STX5: variants seen among roughly 807,000 people sequenced by gnomAD.
STX5 encodes the protein syntaxin 5, also known as syntaxin-5.
A neutral mutation model predicts 42.9 loss-of-function variants in STX5; 15 were observed. That is an observed-to-expected ratio of 0.35 (90% CI 0.23 to 0.54). STX5 has a LOEUF of 0.54. Ranked by LOEUF, STX5 falls within the 20% of genes least tolerant of loss-of-function variation. STX5 has a pLI of 0.91. For synonymous variants in STX5, 184 were observed against 173.2 expected, an observed-to-expected ratio of 1.06 and a Z score of -0.49; for missense variants, 430 against 455.0, an observed-to-expected ratio of 0.95 and a Z score of 0.50.
In STX5 at chr11:62,831,114, G is replaced by T. The variant is rs377028720; in HGVS notation, c.130C>A (p.Pro44Thr). ...GGAGGGGGAGGGACGAGGGTCACTG[G>T]GGGGGGCAGAGGGGCGATGTCGCTG... ...SSSDIAPLPP[P>T]VTLVPPPPDT... The change falls in exon 2 of 11, where the codon CCA becomes ACA. Residue 44 changes from proline (P) to threonine (T), a missense_variant. Transcript: ENST00000294179. The T allele has an allele frequency of 1.5e-5, 23 of 1,555,026 alleles. No individual in the cohort carries two copies. Among genetic ancestry groups the T allele is most frequent in the Middle Eastern group, 2.3e-4 (1 of 4,412 alleles).
chr11:62,825,556 A>C lies in STX5; in HGVS notation c.424-17T>G, dbSNP rs780732903. 24 of 1,610,532 alleles carry C rather than the reference A, an allele frequency of 1.5e-5. No homozygotes were observed. The highest frequency in any genetic ancestry group is 2.0e-5 in the Non-Finnish European group (23 of 1,177,780). On this transcript the variant is annotated splice_polypyrimidine_tract_variant and intron_variant, in intron 5 of 10. Coordinates refer to ENST00000294179, the MANE Select transcript of STX5 (RefSeq NM_003164.5). Reference sequence around the variant, plus strand: ...ATTGATGTCCTGGTAAAAGAGTCCAAGGAAAAACAAAGTATTAGCCAAGGA... The same window carrying C: ...ATTGATGTCCTGGTAAAAGAGTCCACGGAAAAACAAAGTATTAGCCAAGGA...
At chr11:62,813,942 T>C (rs2084645054) in intron 10 of STX5, among the ~76,000 whole-genome samples, 1 of 152,166 alleles carries the variant, frequency 6.6e-6, no homozygotes, top group South Asian at 2.1e-4. Flanking sequence ...TTCTCCCATC[T>C]TTCTCCTATA....
At chr11:62,823,581 T>C (rs2084762724) in intron 10 of STX5, among the ~76,000 whole-genome samples, 1 of 152,186 alleles carries the variant, frequency 6.6e-6, no homozygotes, top group Admixed American at 6.5e-5. Flanking sequence ...AATCTGGCTC[T>C]GTCACCCAGG....
intron 3 of STX5, 61 bp downstream of exon 3, chr11:62,827,500 T>C (rs984942429): frequency 2.2e-5 from 36 of 1,613,128 alleles, no homozygotes; most frequent in Non-Finnish European, 2.8e-5. Context: ...AGGCCACTGA[T>C]TGCAAGTCTA....
chr11:62,830,452 A>T (rs959363424), intron 2 of STX5: 4 of 444,324 alleles, frequency 9.0e-6, no homozygotes, highest in Admixed American at 2.5e-5. Context: ...GAGGCTGAGG[A>T]AAGAGGATCC....
intron 3 of STX5, 64 bp downstream of exon 3, chr11:62,827,497 T>C (rs1257494700): frequency 2.5e-6 from 4 of 1,612,878 alleles, no homozygotes; most frequent in Non-Finnish European, 3.4e-6. Flanking sequence ...CCAAGGCCAC[T>C]GATTGCAAGT....
chr11:62,822,119 T>G, intron 10 of STX5, among the ~76,000 whole-genome samples: 1 of 152,152 alleles, frequency 6.6e-6, no homozygotes, highest in East Asian at 1.9e-4. Flanking sequence ...TCCCGGCACT[T>G]TGGGAGGCCA....
At chr11:62,828,936 C>T (rs562681583) in intron 2 of STX5, among the ~76,000 whole-genome samples, 9 of 151,676 alleles carry the variant, frequency 5.9e-5, no homozygotes, top group Admixed American at 5.3e-4. Context: ...GTCCTGGCAC[C>T]GCCTGTATTC....
chr11:62,816,002 T>C (rs2084669360), intron 10 of STX5: 1 of 152,128 alleles, frequency 6.6e-6, no homozygotes, highest in African/African-American at 2.4e-5. Context: ...GTGCCATCCA[T>C]GTGCAGAGGC....
At chr11:62,824,029 C>A in intron 10 of STX5, 137 bp downstream of exon 10, 1 of 1,385,982 alleles carries the variant, frequency 7.2e-7, no homozygotes, top group Non-Finnish European at 9.9e-7. Context: ...TGGATGGAAG[C>A]AGGTGAACTG....
intron 10 of STX5, among the ~76,000 whole-genome samples, chr11:62,813,689 G>C (rs1202546014): frequency 6.6e-6 from 1 of 152,126 alleles, no homozygotes; most frequent in African/African-American, 2.4e-5. Flanking sequence ...CCTGCTAAAG[G>C]GATAAGATCA....
chr11:62,824,713 ACCT>A (rs2084775964), intron 8 of STX5, 148 bp from the exon 9 acceptor site: 5 of 719,266 alleles, frequency 7.0e-6, no homozygotes, highest in Non-Finnish European at 9.3e-6. Context: ...CAGTTTCCTC[ACCT>A]GTAAAATGGG....
intron 10 of STX5, among the ~76,000 whole-genome samples, chr11:62,821,294 G>A (rs1250108722): frequency 2.0e-5 from 3 of 151,604 alleles, no homozygotes; most frequent in Non-Finnish European, 2.9e-5. Context: ...GCAACAGAGC[G>A]AAACTCCATT....
chr11:62,828,317 T>C (rs937241562), intron 2 of STX5, among the ~76,000 whole-genome samples: 5 of 152,092 alleles, frequency 3.3e-5, no homozygotes, highest in Admixed American at 6.6e-5. Context: ...CTTGCTATAT[T>C]GCCCAGGCTG....
chr11:62,815,503 C>T lies in STX5; in HGVS notation c.909-7875G>A, dbSNP rs77316319. Among the ~76,000 whole-genome samples, 442 of 150,542 alleles carry T rather than the reference C, an allele frequency of 2.9e-3. 2 individuals are homozygous for T. The highest frequency in any genetic ancestry group is 9.4e-3 in the African/African-American group (388 of 41,066). On this transcript the variant is annotated intron_variant, in intron 10 of 10. Coordinates refer to ENST00000294179, the MANE Select transcript of STX5 (RefSeq NM_003164.5). ...TGAATAATACATAATATTAGGAAAT[C>T]GCTAATTTTCATAGATAGGATAACG...
chr11:62,807,744 T>C (rs1297796112), intron 10 of STX5, 116 bp from the exon 11 acceptor site: 10 of 1,487,160 alleles, frequency 6.7e-6, no homozygotes, highest in Non-Finnish European at 8.1e-6. Flanking sequence ...TTCTTATATA[T>C]ATTTGTGTAT....
rs1175933169 is a variant in STX5, at chr11:62,831,144, T to C, written c.100A>G (p.Ser34Gly). ...QVLSPATAGSSSSDIAPLPPP... is the reference protein window; with the variant it reads ...QVLSPATAGSGSSDIAPLPPP... ...GGCAGAGGGGCGATGTCGCTGCTGC[T>C]ACTGCCAGCAGTTGCAGGGGACAGG... is the stretch of plus-strand genomic sequence containing the variant. Residue 34 changes from serine to glycine, a missense_variant, in exon 2 of 11, where the codon AGC becomes GGC. Coordinates refer to ENST00000294179, the MANE Select transcript of STX5 (RefSeq NM_003164.5). The C allele has an allele frequency of 6.4e-7, 1 of 1,558,106 alleles. No individual in the cohort carries two copies. The highest frequency in any genetic ancestry group is 2.4e-5 in the East Asian group (1 of 42,526).
intron 10 of STX5, among the ~76,000 whole-genome samples, chr11:62,812,774 G>A (rs1398851766): frequency 6.6e-6 from 1 of 151,782 alleles, no homozygotes; most frequent in East Asian, 1.9e-4. Flanking sequence ...TGGTGTTTAT[G>A]GCATAATTCT....
At chr11:62,809,614 C>G (rs2084592936) in intron 10 of STX5, among the ~76,000 whole-genome samples, 1 of 122,446 alleles carries the variant, frequency 8.2e-6, no homozygotes, top group African/African-American at 3.1e-5. Context: ...GCAGAGCTTG[C>G]AGTGAGTGGA....
Sources: allele counts gnomAD v4.1 joint callset (sites outside exome capture counted in the v4.1 genomes callset), GRCh38; gene constraint gnomAD v4.1.1; transcripts MANE v1.5; gene names NCBI Gene and HGNC (gene_info 2026-07-23, HGNC 2026-07-21).